Variants in GRM7 observed in about 807,000 individuals in gnomAD.
The protein encoded by GRM7 is glutamate metabotropic receptor 7.
A neutral mutation model predicts 84.5 loss-of-function variants in GRM7; 35 were observed. The observed-to-expected ratio is 0.41, with a 90% confidence interval of 0.32 to 0.55. The LOEUF (loss-of-function observed/expected upper bound fraction) is 0.55, where lower values mean the gene tolerates loss of function less well. Among genes scored for constraint, GRM7 ranks in the 20% least tolerant of loss-of-function variants. GRM7 has a pLI of 0.19. For missense variants in GRM7, 1,003 were observed against 1,194.6 expected, an observed-to-expected ratio of 0.84 and a Z score of 2.36; for synonymous variants, 487 against 455.1, an observed-to-expected ratio of 1.07 and a Z score of -0.89.
At chr3:7,552,399 A>T (rs1575485359) in intron 7 of GRM7, among the ~76,000 whole-genome samples, 1 of 152,160 alleles carries the variant, frequency 6.6e-6, no homozygotes, top group African/African-American at 2.4e-5. Context: ...GAAGACAGCG[A>T]TCCTCTTCTC....
intron 1 of GRM7, among the ~76,000 whole-genome samples, chr3:6,984,764 A>T (rs568249237): frequency 1.3e-5 from 2 of 152,308 alleles, no homozygotes; most frequent in African/African-American, 4.8e-5. Context: ...ATATGAGGTC[A>T]GAGTTTCCTG....
intron 7 of GRM7, among the ~76,000 whole-genome samples, chr3:7,563,918 C>T (rs1694147123): frequency 1.3e-5 from 2 of 152,144 alleles, no homozygotes; most frequent in South Asian, 2.1e-4. Context: ...TGGTCTCTGA[C>T]CTCCTGGGCT....
In GRM7 at chr3:7,346,671, G is replaced by GTACTGT. The variant is rs1553564330; in HGVS notation, c.1033+40023_1033+40024insGTTACT. Among the ~76,000 whole-genome samples the GTACTGT allele has an allele frequency of 7.9e-5, 12 of 151,594 alleles. 1 individual carries two copies. The highest frequency in any genetic ancestry group is 6.6e-4 in the Admixed American group (10 of 15,224). ...TCATATTTTCTTTATTCTTCCTATT[G>GTACTGT]TACTAAGTGAACAATTAAAGCACCC... On this transcript the variant is annotated intron_variant, in intron 4 of 9. Transcript: ENST00000357716.
intron 5 of GRM7, among the ~76,000 whole-genome samples, chr3:7,436,494 C>A (rs897528749): frequency 1.1e-4 from 16 of 152,144 alleles, no homozygotes; most frequent in Admixed American, 3.3e-4. Context: ...ACTTTGTCTA[C>A]CTCTGGCTTA....
At chr3:6,927,335 G>T (rs1169409189) in intron 1 of GRM7, among the ~76,000 whole-genome samples, 1 of 152,036 alleles carries the variant, frequency 6.6e-6, no homozygotes, top group East Asian at 1.9e-4. Context: ...GGCTGAGGCA[G>T]GAGAAGTGCT....
intron 4 of GRM7, among the ~76,000 whole-genome samples, chr3:7,340,427 A>G (rs1300114290): frequency 2.6e-5 from 4 of 152,098 alleles, no homozygotes; most frequent in Non-Finnish European, 5.9e-5. Context: ...ATGGGAAGCA[A>G]AGAGAGGAGA....
chr3:6,875,281 G>A (rs969096484), intron 1 of GRM7, among the ~76,000 whole-genome samples: 2 of 151,374 alleles, frequency 1.3e-5, no homozygotes, highest in African/African-American at 4.9e-5. Context: ...TGATAAGCCT[G>A]ATGATATGGT....
intron 9 of GRM7, among the ~76,000 whole-genome samples, chr3:7,733,275 G>A (rs1256583865): frequency 1.3e-5 from 2 of 152,194 alleles, no homozygotes; most frequent in Non-Finnish European, 2.9e-5. Context: ...TGAACACACT[G>A]AAGAGTGAGG....
rs200269999 is a variant in GRM7, at chr3:6,890,910, G to T, written c.519+29003G>T. 2.2e-4 allele frequency among the ~76,000 whole-genome samples: 34 copies of T among 152,216 alleles called. No individual in the cohort carries two copies. In the East Asian group the frequency reaches 2.5e-3, roughly 11 times the overall value. On this transcript the variant is annotated intron_variant, in intron 1 of 9. Coordinates refer to ENST00000357716, the MANE Select transcript of GRM7 (RefSeq NM_000844.4). ...CTCAGGACTTGCTTTATGAACCTGG[G>T]TGCTCCTGTATTGGGTGTATATATA...
chr3:7,539,049 A>T (rs2125013439), intron 7 of GRM7, among the ~76,000 whole-genome samples: 1 of 152,302 alleles, frequency 6.6e-6, no homozygotes, highest in South Asian at 2.1e-4. Context: ...GTTCCTCTTC[A>T]TGGACCTCTA....
chr3:7,615,112 C>CTATT (rs1697024625), intron 8 of GRM7, among the ~76,000 whole-genome samples: 1 of 151,862 alleles, frequency 6.6e-6, no homozygotes, highest in Non-Finnish European at 1.5e-5. Context: ...TTTTCTTTAC[C>CTATT]TATTTTCAAT....
At chr3:7,223,309 T>C (rs964258925) in intron 2 of GRM7, among the ~76,000 whole-genome samples, 11 of 152,076 alleles carry the variant, frequency 7.2e-5, no homozygotes, top group African/African-American at 1.4e-4. Context: ...TTTGTCTTTT[T>C]CCCCCTGAAT....
intron 4 of GRM7, among the ~76,000 whole-genome samples, chr3:7,382,911 T>G (rs929040496): frequency 6.6e-6 from 1 of 152,208 alleles, no homozygotes; most frequent in Non-Finnish European, 1.5e-5. Flanking sequence ...TCACACATAC[T>G]TTGCTTAATA....
At chr3:7,722,698 T>G (rs1370044967) in intron 9 of GRM7, among the ~76,000 whole-genome samples, 1 of 152,098 alleles carries the variant, frequency 6.6e-6, no homozygotes, top group African/African-American at 2.4e-5. Context: ...CACCTCGGCC[T>G]CCCAAAATGT....
At chr3:7,536,917 C>A (rs952055492) in intron 7 of GRM7, among the ~76,000 whole-genome samples, 102 of 152,166 alleles carry the variant, frequency 6.7e-4, no homozygotes, top group African/African-American at 2.3e-3. Context: ...TAAGTTACAA[C>A]ACTTGGGGTA....
At chr3:7,258,736 C>G (rs1698300357) in intron 2 of GRM7, among the ~76,000 whole-genome samples, 1 of 152,206 alleles carries the variant, frequency 6.6e-6, no homozygotes, top group African/African-American at 2.4e-5. Flanking sequence ...ATATTTTCCA[C>G]AATCCATCAT....
intron 5 of GRM7, among the ~76,000 whole-genome samples, chr3:7,430,161 G>A (rs754153661): frequency 6.6e-6 from 1 of 152,170 alleles, no homozygotes; most frequent in Non-Finnish European, 1.5e-5. Flanking sequence ...AAAACTACTT[G>A]GAAGTAGTTG....
intron 1 of GRM7, among the ~76,000 whole-genome samples, chr3:6,938,394 A>G (rs1432637145): frequency 6.6e-6 from 1 of 152,234 alleles, no homozygotes; most frequent in African/African-American, 2.4e-5. Flanking sequence ...CTTCCAGTCC[A>G]GCTGTAACTC....
chr3:7,597,715 A>T (rs183313246), intron 8 of GRM7, among the ~76,000 whole-genome samples: 1 of 152,240 alleles, frequency 6.6e-6, no homozygotes, highest in African/African-American at 2.4e-5. Flanking sequence ...TGAGGATAAG[A>T]TCTTAAAGTA....
Sources: allele counts gnomAD v4.1 joint callset (sites outside exome capture counted in the v4.1 genomes callset), GRCh38; gene constraint gnomAD v4.1.1; transcripts MANE v1.5; gene names NCBI Gene and HGNC (gene_info 2026-07-23, HGNC 2026-07-21).